Variants in TMEM43 observed in about 807,000 individuals in gnomAD.
TMEM43 encodes transmembrane protein 43.
Under a neutral mutation model 49.6 loss-of-function variants are expected in TMEM43, and 45 were observed. The ratio of observed to expected loss-of-function variants is 0.91; its 90% CI spans 0.71 to 1.16. The LOEUF (loss-of-function observed/expected upper bound fraction) is 1.16. TMEM43 is among the 50% of genes most tolerant of loss of function. The pLI, the probability that TMEM43 is intolerant of heterozygous loss-of-function variation, is 0.00. For missense variants in TMEM43, 532 were observed against 516.6 expected (o/e 1.03, Z -0.29); for synonymous variants, 199 against 207.8 (o/e 0.96, Z 0.36).
chr3:14,128,855 C>G (rs1695054138), intron 1 of TMEM43: 2 of 434,678 alleles, frequency 4.6e-6, no homozygotes, highest in Admixed American at 5.2e-5. Context: ...TTCATAACAG[C>G]CAAAACCTGG....
At chr3:14,129,622 G>A (rs1695066610) in intron 2 of TMEM43, 61 bp downstream of exon 2, 2 of 1,593,224 alleles carry the variant, frequency 1.3e-6, no homozygotes, top group Non-Finnish European at 8.6e-7. Flanking sequence ...GAGAGCAAAG[G>A]CGATGAACCC....
At chr3:14,133,607 T>C in intron 6 of TMEM43, 132 bp from the exon 7 acceptor site, 1 of 839,742 alleles carries the variant, frequency 1.2e-6, no homozygotes, top group South Asian at 1.3e-5. Context: ...GGACAAGATG[T>C]CTGCTGCGCC....
chr3:14,129,516 G>C lies in TMEM43; in HGVS notation c.117G>C (p.Gly39=), dbSNP rs1231946683. The C allele has an allele frequency of 1.2e-6, 2 of 1,614,104 alleles. No individual in the cohort carries two copies. The change falls in exon 2 of 12, where the codon GGG becomes GGC. Residue 39 remains glycine (G), a synonymous_variant. Transcript: ENST00000306077. ...LSETSGGMFV[G]LMAFLLSFYL... The stretch of plus-strand genomic sequence containing the variant: ...AGACCTCGGGTGGGATGTTTGTGGG[G>C]CTCATGGCCTTCCTGCTCTCCTTCT...
At position 14,130,946 on chromosome 3, in the gene TMEM43, G is replaced by A. The variant is rs748343919; in HGVS notation, c.287G>A (p.Arg96Gln). The A allele has an allele frequency of 3.4e-5, 54 of 1,610,668 alleles. No homozygotes were observed. Among genetic ancestry groups the A allele is most frequent in the Non-Finnish European group, 4.0e-5 (47 of 1,177,562 alleles). The part of the protein sequence containing the change: ...GRLVHIIGAL[R>Q]TSKLLSDPNY... ...CTGGTGCACATCATTGGCGCCTTAC[G>A]GACATCCAAGGTAGGTTTGGCAGGG... Residue 96 changes from arginine to glutamine, a missense_variant, in exon 3 of 12, where the codon CGG becomes CAG. Arg to Gln is a conservative substitution (Grantham distance 43, BLOSUM62 1). Transcript: ENST00000306077.
At chr3:14,127,241 A>G (rs927591557) in intron 1 of TMEM43, among the ~76,000 whole-genome samples, 2 of 152,102 alleles carry the variant, frequency 1.3e-5, no homozygotes, top group Non-Finnish European at 2.9e-5. Context: ...TTTACTGGGA[A>G]TTTTGGTTCA....
rs563826219 is a variant in TMEM43, at chr3:14,135,715, C to T, written c.781-92C>T. ...GGGTTTCTGTGCTCACTTCCCCAGC[C>T]GGCACCCAGTCCCGGGAGGGTGGGC... On this transcript the variant is annotated intron_variant, in intron 9 of 11. Coordinates refer to ENST00000306077, the MANE Select transcript of TMEM43 (RefSeq NM_024334.3). The T allele has an allele frequency of 4.5e-4, 482 of 1,075,564 alleles. 4 individuals carry two copies. In the South Asian group the frequency reaches 5.0e-3, roughly 11 times the overall value. 66.6% of individuals were successfully genotyped at this position (1,075,564 alleles called of 1,614,324 possible). A position where few individuals can be genotyped will look rare whatever the true frequency, so the allele number is the denominator to read the frequency against.
At chr3:14,127,435 C>T (rs1029392156) in intron 1 of TMEM43, among the ~76,000 whole-genome samples, 2 of 152,172 alleles carry the variant, frequency 1.3e-5, no homozygotes, top group South Asian at 2.1e-4. Flanking sequence ...GCAGCTGGCT[C>T]CCAACATTCA....
rs758804259 is a variant in TMEM43, at chr3:14,130,797, A to G, written c.163-25A>G. On this transcript the variant is annotated intron_variant, in intron 2 of 11. Coordinates refer to ENST00000306077, the MANE Select transcript of TMEM43 (RefSeq NM_024334.3). ...TGCTGAGCCACCCCTGAGCTGTTGAAATCCCCACTCCCCTTTGCTCCCAGG... is the reference window on the plus strand; with the variant it reads ...TGCTGAGCCACCCCTGAGCTGTTGAGATCCCCACTCCCCTTTGCTCCCAGG... 11 of 1,612,936 alleles carry G rather than the reference A, an allele frequency of 6.8e-6. No individual in the cohort carries two copies. In the Admixed American group the frequency reaches 1.8e-4, roughly 27 times the overall value.
chr3:14,128,170 C>A (rs953733251), intron 1 of TMEM43, among the ~76,000 whole-genome samples: 2 of 152,196 alleles, frequency 1.3e-5, no homozygotes, highest in African/African-American at 4.8e-5. Flanking sequence ...AGCATAAATG[C>A]AAACCCAGTT....
chr3:14,125,551 G>T (rs1695007704), intron 1 of TMEM43, among the ~76,000 whole-genome samples: 1 of 152,146 alleles, frequency 6.6e-6, no homozygotes, highest in Non-Finnish European at 1.5e-5. Context: ...CCTGAAACTT[G>T]CGCATTATGA....
Sources: gnomAD v4.1 joint callset for allele counts (sites outside exome capture counted in the v4.1 genomes callset) on GRCh38, gnomAD v4.1.1 for gene constraint, MANE v1.5 for transcripts, NCBI Gene and HGNC (gene_info 2026-07-23, HGNC 2026-07-21) for gene names.